OR5V1: variants seen among roughly 807,000 people sequenced by gnomAD.
OR5V1 encodes olfactory receptor family 5 subfamily V member 1.
For synonymous variants in OR5V1, 134 were observed against 143.2 expected, an observed-to-expected ratio of 0.94 and a Z score of 0.46; for missense variants, 365 against 371.5, an observed-to-expected ratio of 0.98 and a Z score of 0.14.
intron 1 of OR5V1, among the ~76,000 whole-genome samples, 184 bp from the exon 2 acceptor site, chr6:29,356,461 G>A (rs375098594): frequency 2.0e-5 from 3 of 152,030 alleles, no homozygotes; most frequent in African/African-American, 4.8e-5. Context: ...TTTTAAATTA[G>A]AATACAAATG....
At chr6:29,367,799 C>G (rs1050781165) in intron 1 of OR5V1, among the ~76,000 whole-genome samples, 6 of 152,154 alleles carry the variant, frequency 3.9e-5, no homozygotes, top group African/African-American at 1.4e-4. Flanking sequence ...GAATTCACCA[C>G]GCAAAGCACA....
chr6:29,356,366 C>T (rs1168916593), intron 1 of OR5V1, 89 bp from the exon 2 acceptor site: 1 of 653,350 alleles, frequency 1.5e-6, no homozygotes, highest in Non-Finnish European at 2.5e-6. Flanking sequence ...CAAACCATAG[C>T]TCCTACCTAC....
intron 1 of OR5V1, among the ~76,000 whole-genome samples, chr6:29,357,693 A>G (rs1198463669): frequency 6.6e-6 from 1 of 152,164 alleles, no homozygotes; most frequent in African/African-American, 2.4e-5. Flanking sequence ...TGGACCAGCT[A>G]TAGATTAATT....
At position 29,360,988 on chromosome 6, in the gene OR5V1, T is replaced by C. The variant is rs556459778; in HGVS notation, c.-82-4711A>G. On this transcript the variant is annotated intron_variant, in intron 1 of 1. Coordinates refer to ENST00000641768, the MANE Select transcript of OR5V1 (RefSeq NM_030876.6). Reference sequence around the variant, plus strand: ...AGAAGGTGGGAAATAACAAACTCCATTGAGCTAAAGGAGCATGTTCTAACC... The same window carrying C: ...AGAAGGTGGGAAATAACAAACTCCACTGAGCTAAAGGAGCATGTTCTAACC... Among the ~76,000 whole-genome samples, 11 of 152,214 alleles carry C rather than the reference T, an allele frequency of 7.2e-5. No individual in the cohort carries two copies. The East Asian group carries it at 1.5e-3, about 21-fold the overall frequency.
At chr6:29,358,279 G>A (rs955809684) in intron 1 of OR5V1, among the ~76,000 whole-genome samples, 3 of 152,058 alleles carry the variant, frequency 2.0e-5, no homozygotes, top group Non-Finnish European at 4.4e-5. Context: ...TTCTGAGGAG[G>A]AATTAACCCT....
At chr6:29,360,528 G>A (rs1481407460) in intron 1 of OR5V1, among the ~76,000 whole-genome samples, 1 of 152,186 alleles carries the variant, frequency 6.6e-6, no homozygotes, top group Non-Finnish European at 1.5e-5. Context: ...TCATAGAGGA[G>A]AGTCCAGCTG....
chr6:29,365,496 TA>T (rs1334046109), intron 1 of OR5V1, among the ~76,000 whole-genome samples: 1 of 152,064 alleles, frequency 6.6e-6, no homozygotes, highest in Non-Finnish European at 1.5e-5. Context: ...GGGTGATGGA[TA>T]TGAACAGACA....
At chr6:29,360,436 G>A (rs143241203) in intron 1 of OR5V1, among the ~76,000 whole-genome samples, 1 of 152,338 alleles carries the variant, frequency 6.6e-6, no homozygotes, top group African/African-American at 2.4e-5. Context: ...TCTGCTAAGG[G>A]ACAGACTGCC....
chr6:29,363,385 G>A (rs1778675677), intron 1 of OR5V1, among the ~76,000 whole-genome samples: 3 of 152,120 alleles, frequency 2.0e-5, no homozygotes, highest in Admixed American at 2.0e-4. Context: ...AGAGGAGCTG[G>A]TACCATTCGT....
At chr6:29,359,009 A>G (rs1271173502) in intron 1 of OR5V1, among the ~76,000 whole-genome samples, 1 of 152,244 alleles carries the variant, frequency 6.6e-6, no homozygotes. Flanking sequence ...TGCTGTACTC[A>G]TTCCAAAATA....
In OR5V1 at chr6:29,353,837, T is replaced by C. The variant is rs540895917; in HGVS notation, c.*1393A>G. 2.0e-5 allele frequency: 3 copies of C among 152,192 alleles called. No homozygotes were observed. The East Asian group carries it at 5.8e-4, about 29-fold the overall frequency. 9.4% of individuals were successfully genotyped at this position (152,192 alleles called of 1,614,324 possible). ...CAAAGTAGGTAGTACTTAGATTTTA[T>C]AGACAGTGGTTACAAATATATTTAG... On this transcript the variant is annotated 3_prime_UTR_variant, in exon 2 of 2. Transcript: ENST00000641768.
At chr6:29,359,220 A>G (rs937395551) in intron 1 of OR5V1, among the ~76,000 whole-genome samples, 7 of 152,226 alleles carry the variant, frequency 4.6e-5, no homozygotes, top group African/African-American at 1.4e-4. Flanking sequence ...TAACCATTCA[A>G]CAATCATTGT....
chr6:29,362,282 A>T (rs1778601687), intron 1 of OR5V1, among the ~76,000 whole-genome samples: 1 of 152,244 alleles, frequency 6.6e-6, no homozygotes, highest in East Asian at 1.9e-4. Context: ...ACCCAGATTC[A>T]TAAAACAAGT....
At chr6:29,362,079 G>A (rs539024074) in intron 1 of OR5V1, among the ~76,000 whole-genome samples, 12 of 151,894 alleles carry the variant, frequency 7.9e-5, no homozygotes, top group African/African-American at 2.9e-4. Context: ...CAAAACAAAG[G>A]GACAGAGAAA....
intron 1 of OR5V1, among the ~76,000 whole-genome samples, chr6:29,365,919 G>A (rs139022284): frequency 0.011 from 1,696 of 152,272 alleles, 17 homozygotes; most frequent in East Asian, 0.028. Flanking sequence ...GCCCATCAAT[G>A]ATAGACTGGA....
intron 1 of OR5V1, among the ~76,000 whole-genome samples, chr6:29,357,073 T>C (rs543746106): frequency 6.6e-6 from 1 of 152,310 alleles, no homozygotes; most frequent in African/African-American, 2.4e-5. Context: ...TGAATTTTTA[T>C]AAACTTTCCA....
At chr6:29,368,364 A>C (rs564992270) in intron 1 of OR5V1, among the ~76,000 whole-genome samples, 1 of 152,276 alleles carries the variant, frequency 6.6e-6, no homozygotes, top group Admixed American at 6.5e-5. Context: ...TATTTAATAA[A>C]AAATCGGCAA....
intron 1 of OR5V1, among the ~76,000 whole-genome samples, chr6:29,357,713 A>T (rs545656659): frequency 3.3e-5 from 5 of 152,032 alleles, no homozygotes; most frequent in Non-Finnish European, 7.4e-5. Context: ...TTAAATGTTC[A>T]TGTTTGTGTT....
At chr6:29,366,560 C>G (rs1778865673) in intron 1 of OR5V1, among the ~76,000 whole-genome samples, 1 of 152,036 alleles carries the variant, frequency 6.6e-6, no homozygotes, top group African/African-American at 2.4e-5. Flanking sequence ...AAAGAGAACA[C>G]AGAATTGAAC....
Sources: allele counts gnomAD v4.1 joint callset (sites outside exome capture counted in the v4.1 genomes callset), GRCh38; gene constraint gnomAD v4.1.1; transcripts MANE v1.5; gene names NCBI Gene and HGNC (gene_info 2026-07-23, HGNC 2026-07-21).